The following BMP2K variants were observed in gnomAD, a reference collection of about 807,000 sequenced individuals.
BMP2K encodes BMP2 inducible kinase.
BMP2K carries 74 observed loss-of-function variants against 116.0 expected under a neutral mutation model. The ratio of observed to expected loss-of-function variants is 0.64; its 90% CI spans 0.53 to 0.77. The LOEUF (loss-of-function observed/expected upper bound fraction) is 0.77, where lower values mean the gene tolerates loss of function less well. Among genes scored for constraint, BMP2K ranks in the 30% least tolerant of loss-of-function variants. The probability of loss-of-function intolerance (pLI) is 0.00; values close to 1 mark genes in which losing one functional copy is unlikely to be tolerated. For missense variants in BMP2K, 1,365 were observed against 1,403.6 expected (o/e 0.97, Z 0.44); for synonymous variants, 486 against 502.5 (o/e 0.97, Z 0.44).
chr4:78,840,616 A>G (rs1730713007), intron 3 of BMP2K, among the ~76,000 whole-genome samples: 1 of 151,958 alleles, frequency 6.6e-6, no homozygotes, highest in South Asian at 2.1e-4. Flanking sequence ...CTGACTTTTT[A>G]CCTTTTTTTT....
intron 3 of BMP2K, among the ~76,000 whole-genome samples, chr4:78,835,853 A>G (rs992076260): frequency 6.6e-6 from 1 of 152,140 alleles, no homozygotes; most frequent in Non-Finnish European, 1.5e-5. Context: ...GAAGTATATA[A>G]TTCTGTGCAT....
intron 7 of BMP2K, among the ~76,000 whole-genome samples, chr4:78,856,975 T>G (rs1731535231): frequency 6.6e-6 from 1 of 152,114 alleles, no homozygotes; most frequent in Admixed American, 6.6e-5. Context: ...TCTTTCCCAC[T>G]GGGGAGAATG....
At chr4:78,873,063 A>G (rs1332846363) in intron 13 of BMP2K, among the ~76,000 whole-genome samples, 1 of 152,144 alleles carries the variant, frequency 6.6e-6, no homozygotes. Flanking sequence ...GCTTGTATGT[A>G]AAGGCATTTT....
intron 14 of BMP2K, among the ~76,000 whole-genome samples, chr4:78,884,522 A>G (rs1732992094): frequency 6.6e-6 from 1 of 152,024 alleles, no homozygotes; most frequent in Admixed American, 6.6e-5. Flanking sequence ...AGACCTAAAT[A>G]CTTATACTTT....
At chr4:78,829,783 T>TC (rs1560518671) in intron 2 of BMP2K, among the ~76,000 whole-genome samples, 349 of 110,562 alleles carry the variant, frequency 3.2e-3, no homozygotes, top group East Asian at 4.6e-3. Flanking sequence ...TTCTTTTCTT[T>TC]TCTTTTCTCT....
chr4:78,812,469 A>T (rs1005121318), intron 1 of BMP2K, among the ~76,000 whole-genome samples: 1 of 152,158 alleles, frequency 6.6e-6, no homozygotes, highest in Admixed American at 6.5e-5. Flanking sequence ...TCCAGTAGGC[A>T]TCTCTAACTT....
chr4:78,785,980 T>A (rs1286794522), intron 1 of BMP2K, among the ~76,000 whole-genome samples: 2 of 152,098 alleles, frequency 1.3e-5, no homozygotes, highest in Non-Finnish European at 2.9e-5. Context: ...GACCTGAACC[T>A]CCAGTTCAGT....
At chr4:78,879,373 A>G (rs1297150318) in intron 14 of BMP2K, 1 of 986,088 alleles carries the variant, frequency 1.0e-6, no homozygotes, top group Non-Finnish European at 1.2e-6. Context: ...GAGTGGTGAC[A>G]TAAAAGGGCT....
At chr4:78,797,115 G>C (rs1728333081) in intron 1 of BMP2K, among the ~76,000 whole-genome samples, 3 of 152,110 alleles carry the variant, frequency 2.0e-5, no homozygotes, top group Admixed American at 2.0e-4. Flanking sequence ...ATTTTGGGGA[G>C]TCTTAGTCCT....
intron 3 of BMP2K, among the ~76,000 whole-genome samples, chr4:78,834,827 A>G (rs978552999): frequency 1.8e-4 from 27 of 152,308 alleles, no homozygotes; most frequent in Admixed American, 1.8e-3. Flanking sequence ...AATGAAGTGA[A>G]TCAATGTGAC....
chr4:78,786,751 CAAATAAGT>C (rs1727751563), intron 1 of BMP2K, among the ~76,000 whole-genome samples: 1 of 152,142 alleles, frequency 6.6e-6, no homozygotes, highest in Non-Finnish European at 1.5e-5. Flanking sequence ...TATCTACAAC[CAAATAAGT>C]GTAATTATGC....
intron 1 of BMP2K, among the ~76,000 whole-genome samples, chr4:78,817,725 G>T (rs929257340): frequency 6.6e-6 from 1 of 152,038 alleles, no homozygotes; most frequent in African/African-American, 2.4e-5. Context: ...GTAGGGGGTC[G>T]GGGGAAAGGG....
Position 78,847,177 on chromosome 4 carries a change from T to C in BMP2K, c.669-11T>C, listed in dbSNP as rs375023204. ...ATATATCTCCACTCCATTTCACTCA[T>C]TTACTGCCAGGTATACAACTCTGTC... On this transcript the variant is annotated splice_polypyrimidine_tract_variant and intron_variant, in intron 5 of 15. Transcript: ENST00000502613. The C allele has an allele frequency of 1.4e-5, 20 of 1,462,918 alleles. No individual in the cohort carries two copies. The highest frequency in any genetic ancestry group is 2.3e-5 in the Admixed American group (1 of 44,392). The allele number at this position is 1,462,918 out of a possible 1,614,324, so 90.6% of individuals were successfully genotyped here.
intron 5 of BMP2K, 57 bp from the exon 6 acceptor site, chr4:78,847,131 G>T: frequency 1.0e-6 from 1 of 991,096 alleles, no homozygotes; most frequent in South Asian, 3.5e-5. Context: ...TGTATTATCT[G>T]TCTTTTTTTT....
At chr4:78,891,786 G>C (rs188444840) in intron 15 of BMP2K, among the ~76,000 whole-genome samples, 1 of 152,114 alleles carries the variant, frequency 6.6e-6, no homozygotes, top group Non-Finnish European at 1.5e-5. Flanking sequence ...CCCAGAGAAG[G>C]TAGCCTTAAA....
At chr4:78,905,298 T>C (rs1734231520) in intron 15 of BMP2K, among the ~76,000 whole-genome samples, 1 of 151,882 alleles carries the variant, frequency 6.6e-6, no homozygotes, top group Non-Finnish European at 1.5e-5. Flanking sequence ...ATAAAAAAGC[T>C]AAAATTTTTA....
chr4:78,863,992 T>C (rs1731923344), intron 9 of BMP2K, among the ~76,000 whole-genome samples: 2 of 152,194 alleles, frequency 1.3e-5, no homozygotes, highest in African/African-American at 4.8e-5. Flanking sequence ...TGCCCTGTCT[T>C]CCTAGGTATG....
chr4:78,861,505 A>C (rs751730530), intron 9 of BMP2K, 37 bp downstream of exon 9: 2 of 1,497,048 alleles, frequency 1.3e-6, no homozygotes. Context: ...AAGGCATTAA[A>C]AAAAATGATA....
chr4:78,801,129 C>A (rs943920183), intron 1 of BMP2K, among the ~76,000 whole-genome samples: 1 of 152,138 alleles, frequency 6.6e-6, no homozygotes, highest in East Asian at 1.9e-4. Flanking sequence ...TTACCCATAG[C>A]TCTATTTCTG....
Sources: allele counts gnomAD v4.1 joint callset (sites outside exome capture counted in the v4.1 genomes callset), GRCh38; gene constraint gnomAD v4.1.1; transcripts MANE v1.5; gene names NCBI Gene and HGNC (gene_info 2026-07-23, HGNC 2026-07-21).